Variants in SORCS2 observed in about 807,000 individuals in gnomAD.
SORCS2 encodes the protein sortilin related VPS10 domain containing receptor 2, also known as VPS10 domain-containing receptor SorCS2.
In SORCS2, 100 loss-of-function variants were observed where a neutral mutation model predicts 141.6. That is an observed-to-expected ratio of 0.71 (90% CI 0.60 to 0.83). The LOEUF (loss-of-function observed/expected upper bound fraction) is 0.83, where lower values mean the gene tolerates loss of function less well. SORCS2 is among the 40% of genes least tolerant of loss of function. The pLI is 0.00. For synonymous variants in SORCS2, 789 were observed against 676.9 expected (o/e 1.17, Z -2.57); for missense variants, 1,646 against 1,560.2 (o/e 1.05, Z -0.93).
At chr4:7,419,027 T>A (rs1188530260) in intron 2 of SORCS2, among the ~76,000 whole-genome samples, 1 of 152,180 alleles carries the variant, frequency 6.6e-6, no homozygotes, top group African/African-American at 2.4e-5. Flanking sequence ...GACTTGGAAG[T>A]CACGTAAGAT....
chr4:7,428,790 C>G (rs138458150), intron 2 of SORCS2, among the ~76,000 whole-genome samples: 61 of 152,260 alleles, frequency 4.0e-4, no homozygotes, highest in African/African-American at 1.4e-3. Context: ...CAGCTTTTAT[C>G]TGCTTTTACT....
intron 1 of SORCS2, among the ~76,000 whole-genome samples, chr4:7,226,603 C>T (rs372578030): frequency 5.9e-4 from 90 of 152,284 alleles, no homozygotes; most frequent in African/African-American, 1.9e-3. Flanking sequence ...AAGAAAACCC[C>T]GGCCCCTTCC....
intron 1 of SORCS2, among the ~76,000 whole-genome samples, chr4:7,328,812 G>C (rs565413471): frequency 5.6e-4 from 85 of 152,350 alleles, no homozygotes; most frequent in Admixed American, 1.1e-3. Context: ...CTTGCTGGCA[G>C]AGTTGCCTCA....
chr4:7,724,462 GTGGTGATGGTGA>G (rs1310957507), intron 19 of SORCS2, among the ~76,000 whole-genome samples: 33 of 100,604 alleles, frequency 3.3e-4, no homozygotes, highest in African/African-American at 1.6e-3. Context: ...GGTGATGGTG[GTGGTGATGGTGA>G]TGGTGGTGAT....
intron 2 of SORCS2, among the ~76,000 whole-genome samples, chr4:7,428,895 G>C (rs1422779444): frequency 1.3e-5 from 2 of 152,134 alleles, no homozygotes; most frequent in Non-Finnish European, 2.9e-5. Context: ...GCGCAGGGGA[G>C]CCCAGACCCC....
At chr4:7,311,751 G>C (rs989086056) in intron 1 of SORCS2, among the ~76,000 whole-genome samples, 3 of 152,156 alleles carry the variant, frequency 2.0e-5, no homozygotes, top group African/African-American at 4.8e-5. Flanking sequence ...CTTTTGTCAT[G>C]GTTATAGTGT....
intron 1 of SORCS2, among the ~76,000 whole-genome samples, chr4:7,334,617 C>G (rs1408670809): frequency 6.6e-6 from 1 of 152,166 alleles, no homozygotes; most frequent in Non-Finnish European, 1.5e-5. Flanking sequence ...GTTCCTGCAG[C>G]AACAGGGATT....
chr4:7,318,751 T>C (rs1206476041), intron 1 of SORCS2, among the ~76,000 whole-genome samples: 3 of 152,194 alleles, frequency 2.0e-5, no homozygotes, highest in African/African-American at 7.2e-5. Flanking sequence ...TGAATTTCCA[T>C]ACCAGAAAAT....
At chr4:7,500,958 A>C (rs1399922509) in intron 2 of SORCS2, among the ~76,000 whole-genome samples, 1 of 152,202 alleles carries the variant, frequency 6.6e-6, no homozygotes, top group African/African-American at 2.4e-5. Context: ...TGGCCTTCCC[A>C]GGGAGCTCGG....
chr4:7,726,379 C>A (rs182628778), intron 20 of SORCS2, among the ~76,000 whole-genome samples: 97 of 152,284 alleles, frequency 6.4e-4, no homozygotes, highest in Non-Finnish European at 1.2e-3. Context: ...TTGAGACCAA[C>A]CTGGCTAACA....
chr4:7,529,810 A>G (rs1733914392), intron 2 of SORCS2, among the ~76,000 whole-genome samples: 1 of 152,214 alleles, frequency 6.6e-6, no homozygotes, highest in African/African-American at 2.4e-5. Context: ...ATTTGAGAGT[A>G]AGTGCGTCCT....
intron 1 of SORCS2, among the ~76,000 whole-genome samples, chr4:7,390,420 G>T (rs552976387): frequency 2.0e-5 from 3 of 152,262 alleles, no homozygotes; most frequent in African/African-American, 7.2e-5. Flanking sequence ...TCTTAAGAGG[G>T]GCACATTTGA....
rs200308628 is a variant in SORCS2, at chr4:7,628,518, C to T, written c.649-9810C>T. On this transcript the variant is annotated intron_variant, in intron 3 of 26. Transcript: ENST00000507866. ...TGGGCAAAAGAGTGAGACTCCGTCT[C>T]GAAAAAAAAAAAAAAGCTAGAAGTG... Among the ~76,000 whole-genome samples the T allele has an allele frequency of 6.0e-5, 5 of 83,490 alleles. No individual in the cohort carries two copies. The East Asian group carries it at 4.2e-3, about 70-fold the overall frequency. 54.8% of individuals were successfully genotyped at this position (83,490 alleles called of 152,430 possible).
At chr4:7,506,007 A>T (rs951925529) in intron 2 of SORCS2, among the ~76,000 whole-genome samples, 1 of 152,140 alleles carries the variant, frequency 6.6e-6, no homozygotes, top group African/African-American at 2.4e-5. Context: ...GGCAGGGGGA[A>T]CGCATAGCCG....
intron 1 of SORCS2, among the ~76,000 whole-genome samples, chr4:7,315,484 T>C (rs1013103128): frequency 6.6e-5 from 10 of 152,164 alleles, no homozygotes; most frequent in Admixed American, 1.3e-4. Flanking sequence ...CCAGGGCTGG[T>C]GCGGTGGAGG....
intron 1 of SORCS2, among the ~76,000 whole-genome samples, chr4:7,221,437 G>T (rs752805928): frequency 1.7e-4 from 26 of 152,354 alleles, no homozygotes; most frequent in African/African-American, 6.0e-4. Flanking sequence ...AGAGACCGCC[G>T]TAGTGACCTT....
At chr4:7,223,087 C>G (rs1246991290) in intron 1 of SORCS2, among the ~76,000 whole-genome samples, 2 of 152,128 alleles carry the variant, frequency 1.3e-5, no homozygotes, top group Admixed American at 1.3e-4. Context: ...AAAACAACAA[C>G]CAACTGAGCA....
At chr4:7,444,934 T>C (rs1727893349) in intron 2 of SORCS2, among the ~76,000 whole-genome samples, 1 of 152,060 alleles carries the variant, frequency 6.6e-6, no homozygotes, top group Non-Finnish European at 1.5e-5. Context: ...ACTTGGACGA[T>C]GAACCGGAGG....
chr4:7,537,640 A>G (rs1712239035), intron 3 of SORCS2, among the ~76,000 whole-genome samples: 1 of 152,080 alleles, frequency 6.6e-6, no homozygotes, highest in African/African-American at 2.4e-5. Context: ...AACAGCTCTA[A>G]CCTTCTAGAG....
Sources: allele counts gnomAD v4.1 joint callset (sites outside exome capture counted in the v4.1 genomes callset), GRCh38; gene constraint gnomAD v4.1.1; transcripts MANE v1.5; gene names NCBI Gene and HGNC (gene_info 2026-07-23, HGNC 2026-07-21).